Variants in WLS observed in about 807,000 individuals in gnomAD.
WLS encodes protein wntless homolog.
In WLS, 23 loss-of-function variants were observed where a neutral mutation model predicts 62.8. The observed-to-expected ratio is 0.37, with a 90% confidence interval of 0.26 to 0.52. The LOEUF is 0.52. Among genes scored for constraint, WLS ranks in the 20% least tolerant of loss-of-function variants. The pLI, the probability that WLS is intolerant of heterozygous loss-of-function variation, is 0.92. For synonymous variants in WLS, 246 were observed against 244.1 expected (o/e 1.01, Z -0.07); for missense variants, 615 against 697.3 (o/e 0.88, Z 1.33).
chr1:68,132,777 G>A (rs1570855728), intron 11 of WLS, among the ~76,000 whole-genome samples: 2 of 152,098 alleles, frequency 1.3e-5, no homozygotes, highest in African/African-American at 2.4e-5. Context: ...ATAATCAAAA[G>A]AACACAAAAA....
At chr1:68,184,011 C>A (rs1302513165) in intron 2 of WLS, among the ~76,000 whole-genome samples, 1 of 152,116 alleles carries the variant, frequency 6.6e-6, no homozygotes, top group Non-Finnish European at 1.5e-5. Flanking sequence ...GCTTTCATTA[C>A]GTAAGAATAG....
intron 1 of WLS, among the ~76,000 whole-genome samples, chr1:68,204,377 T>C (rs1247653216): frequency 1.3e-5 from 2 of 152,100 alleles, no homozygotes; most frequent in African/African-American, 4.8e-5. Flanking sequence ...TGGAGTGCAG[T>C]GGCGCGGTCT....
chr1:68,103,004 A>G (rs765855008), intron 11 of WLS, among the ~76,000 whole-genome samples: 13 of 152,154 alleles, frequency 8.5e-5, no homozygotes, highest in Non-Finnish European at 1.9e-4. Context: ...TGCCGGGGGC[A>G]CTGTCACCAG....
downstream of WLS, among the ~76,000 whole-genome samples, chr1:68,120,613 C>T (rs17130488): frequency 0.047 from 7,179 of 152,226 alleles, 189 homozygotes; most frequent in Middle Eastern, 0.12. Flanking sequence ...ATCTCTACTC[C>T]GTGACTGAGA....
chr1:68,159,201 A>G lies in WLS; in HGVS notation c.426T>C (p.Asp142=). 1.2e-6 allele frequency: 2 copies of G among 1,614,126 alleles called. No homozygotes were observed. Reference sequence around the variant, plus strand: ...TTTCAGTCCACTCAGCAAACGCGTCATCACGGTAAGCCAGGGAAACGTCCA... The same window carrying G: ...TTTCAGTCCACTCAGCAAACGCGTCGTCACGGTAAGCCAGGGAAACGTCCA... ...VSMDVSLAYR[D]DAFAEWTEMA... Residue 142 remains aspartate, a synonymous_variant, in exon 3 of 12, where the codon GAT becomes GAC. Coordinates refer to ENST00000262348, the MANE Select transcript of WLS (RefSeq NM_024911.7).
intron 1 of WLS, among the ~76,000 whole-genome samples, chr1:68,230,555 A>T (rs1004597582): frequency 6.7e-6 from 1 of 149,158 alleles, no homozygotes; most frequent in Non-Finnish European, 1.5e-5. Flanking sequence ...GAAGCTCCTA[A>T]CACAAAAGCC....
chr1:68,177,588 G>A lies in WLS; in HGVS notation c.379+16367C>T, dbSNP rs572577508. On this transcript the variant is annotated intron_variant, in intron 2 of 11. Transcript: ENST00000262348. ...AGGAGGGCAGTGGCGCAACCTTCTG[G>A]GCCCAAGCAGTCCTCCTACCTCAGC... 1.1e-4 allele frequency among the ~76,000 whole-genome samples: 17 copies of A among 152,170 alleles called. No individual in the cohort carries two copies. The East Asian group carries it at 3.1e-3, about 28-fold the overall frequency.
intron 1 of WLS, among the ~76,000 whole-genome samples, chr1:68,208,871 C>T (rs190089954): frequency 9.4e-4 from 143 of 152,230 alleles, no homozygotes; most frequent in Admixed American, 8.0e-3. Context: ...AGAGATATGC[C>T]TGCACTGGGC....
intron 11 of WLS, among the ~76,000 whole-genome samples, chr1:68,109,556 A>C (rs751892079): frequency 5.9e-5 from 9 of 152,264 alleles, no homozygotes; most frequent in Non-Finnish European, 1.5e-5. Flanking sequence ...TAGACTATAA[A>C]AAGTGAAATG....
At chr1:68,149,924 G>T (rs1159866568) in intron 6 of WLS, among the ~76,000 whole-genome samples, 1 of 152,216 alleles carries the variant, frequency 6.6e-6, no homozygotes. Flanking sequence ...AAAACCCCAT[G>T]CAGTAGGTCT....
chr1:68,137,280 AAC>A (rs1557468147), intron 11 of WLS, among the ~76,000 whole-genome samples: 54 of 152,096 alleles, frequency 3.6e-4, no homozygotes, highest in African/African-American at 1.3e-3. Context: ...GGACAGGAAG[AAC>A]TGGGGACAGG....
intron 1 of WLS, among the ~76,000 whole-genome samples, chr1:68,218,768 C>T (rs962562694): frequency 4.6e-5 from 7 of 152,138 alleles, no homozygotes; most frequent in South Asian, 2.1e-4. Flanking sequence ...AAGGAATGTG[C>T]GAATGAATTC....
chr1:68,158,583 G>C (rs972694576), intron 3 of WLS, among the ~76,000 whole-genome samples: 1 of 150,362 alleles, frequency 6.7e-6, no homozygotes, highest in African/African-American at 2.5e-5. Flanking sequence ...AATAATAGCT[G>C]ATGAGCTAAA....
chr1:68,193,818 G>T, intron 2 of WLS, 137 bp downstream of exon 2: 1 of 1,163,320 alleles, frequency 8.6e-7, no homozygotes, highest in Non-Finnish European at 1.2e-6. Context: ...AAAGTACACA[G>T]AAAGTGCCTG....
intron 1 of WLS, among the ~76,000 whole-genome samples, chr1:68,229,565 A>G (rs529560405): frequency 2.0e-5 from 3 of 152,214 alleles, no homozygotes; most frequent in African/African-American, 4.8e-5. Context: ...TCCTTCAACT[A>G]CTGTCTCCGC....
intron 1 of WLS, among the ~76,000 whole-genome samples, chr1:68,220,786 CA>C (rs1267283686): frequency 2.0e-5 from 3 of 152,144 alleles, no homozygotes; most frequent in Admixed American, 1.3e-4. Context: ...TCAAAAATTT[CA>C]AAATTACAAA....
chr1:68,098,478 C>G, exon 12 of WLS: 1 of 1,221,494 alleles, frequency 8.2e-7, no homozygotes, highest in East Asian at 2.5e-5. Flanking sequence ...TAAGACAATA[C>G]TCAAAGAATA....
In WLS at chr1:68,125,644, A is replaced by G; in HGVS notation, c.*582T>C. The G allele has an allele frequency of 3.0e-6, 3 of 985,566 alleles. No individual in the cohort carries two copies. The highest frequency in any genetic ancestry group is 3.6e-6 in the Non-Finnish European group (3 of 830,038). 61.1% of individuals were successfully genotyped at this position (985,566 alleles called of 1,614,324 possible). On this transcript the variant is annotated 3_prime_UTR_variant, in exon 12 of 12. Transcript: ENST00000262348. ...AGCTGAAATACCCCTGGTGGAATAA[A>G]TCTTCTCATGAAATTCAGTTATATT...
At chr1:68,148,898 A>G (rs894919634) in intron 6 of WLS, among the ~76,000 whole-genome samples, 3 of 152,168 alleles carry the variant, frequency 2.0e-5, no homozygotes, top group African/African-American at 7.2e-5. Flanking sequence ...CTCTGAGAGT[A>G]ATAAGAACAG....
Sources: allele counts gnomAD v4.1 joint callset (sites outside exome capture counted in the v4.1 genomes callset), GRCh38; gene constraint gnomAD v4.1.1; transcripts MANE v1.5; gene names NCBI Gene and HGNC (gene_info 2026-07-23, HGNC 2026-07-21).